MCTP2: variants seen among roughly 807,000 people sequenced by gnomAD.
The protein encoded by MCTP2 is multiple C2 and transmembrane domain containing 2.
MCTP2 carries 132 observed loss-of-function variants against 111.6 expected under a neutral mutation model. The observed-to-expected ratio is 1.18, with a 90% CI of 1.03 to 1.37. The LOEUF is 1.37. Ranked by LOEUF, MCTP2 falls within the 40% of genes most tolerant of loss-of-function variation. The probability of loss-of-function intolerance (pLI) is 0.00; values close to 1 mark genes in which losing one functional copy is unlikely to be tolerated. For synonymous variants in MCTP2, 395 were observed against 387.7 expected (o/e 1.02, Z -0.22); for missense variants, 1,183 against 1,067.9 (o/e 1.11, Z -1.50).
intron 14 of MCTP2, among the ~76,000 whole-genome samples, chr15:94,395,942 A>G (rs556498238): frequency 6.6e-6 from 1 of 152,172 alleles, no homozygotes; most frequent in Admixed American, 6.5e-5. Flanking sequence ...AAATAATATA[A>G]GGGACATGAA....
At chr15:94,324,160 G>A (rs1287860145) in intron 4 of MCTP2, among the ~76,000 whole-genome samples, 2 of 152,200 alleles carry the variant, frequency 1.3e-5, no homozygotes, top group Non-Finnish European at 2.9e-5. Context: ...GAATGTGGCC[G>A]AGGAGGAGGT....
intron 1 of MCTP2, among the ~76,000 whole-genome samples, chr15:94,243,701 ATATACACATATATG>A (rs1567253382): frequency 1.5e-5 from 2 of 135,374 alleles, no homozygotes; most frequent in Non-Finnish European, 3.2e-5. Context: ...ACATATGCGT[ATATACACATATATG>A]TATACACATA....
intron 20 of MCTP2, among the ~76,000 whole-genome samples, chr15:94,459,719 A>G (rs1257540878): frequency 1.3e-5 from 2 of 152,298 alleles, no homozygotes; most frequent in South Asian, 4.1e-4. Context: ...TTCTTTATTC[A>G]TTTCCTCACT....
At chr15:94,289,213 A>C (rs183196874) in intron 1 of MCTP2, among the ~76,000 whole-genome samples, 1 of 152,344 alleles carries the variant, frequency 6.6e-6, no homozygotes, top group Admixed American at 6.5e-5. Context: ...TAAAAACTTA[A>C]AAAAATATTG....
chr15:94,434,031 C>T (rs1375283808), intron 17 of MCTP2, among the ~76,000 whole-genome samples: 9 of 152,014 alleles, frequency 5.9e-5, no homozygotes, highest in Admixed American at 2.0e-4. Flanking sequence ...CTTCATTTTG[C>T]GACTTGCCCT....
intron 17 of MCTP2, among the ~76,000 whole-genome samples, chr15:94,438,656 TAA>T (rs1034568325): frequency 6.6e-6 from 1 of 152,158 alleles, no homozygotes; most frequent in Non-Finnish European, 1.5e-5. Flanking sequence ...TTCTTGATCT[TAA>T]AAATTATACC....
chr15:94,243,724 T>C (rs1036909530), intron 1 of MCTP2, among the ~76,000 whole-genome samples: 2 of 111,264 alleles, frequency 1.8e-5, no homozygotes, highest in African/African-American at 7.7e-5. Flanking sequence ...TGTATACACA[T>C]ACATATGTGT....
chr15:94,387,167 C>T (rs1048838941), intron 14 of MCTP2, among the ~76,000 whole-genome samples: 5 of 151,722 alleles, frequency 3.3e-5, no homozygotes, highest in African/African-American at 4.8e-5. Context: ...CTTCCTCCCT[C>T]TCTCCTTCCT....
chr15:94,343,979 T>C (rs1047854086), intron 7 of MCTP2: 1 of 152,050 alleles, frequency 6.6e-6, no homozygotes, highest in Non-Finnish European at 1.5e-5. Context: ...TCAAAAGGCC[T>C]AAATAGCCCT....
intron 1 of MCTP2, among the ~76,000 whole-genome samples, chr15:94,277,600 T>C (rs2074278025): frequency 6.6e-6 from 1 of 152,170 alleles, no homozygotes; most frequent in Non-Finnish European, 1.5e-5. Context: ...TTCCAGCTCT[T>C]TGACATTCTG....
At chr15:94,413,431 G>A (rs2082240969) in intron 17 of MCTP2, among the ~76,000 whole-genome samples, 2 of 151,808 alleles carry the variant, frequency 1.3e-5, no homozygotes, top group African/African-American at 2.4e-5. Flanking sequence ...ACCATTTTAA[G>A]GCTTCTTTTT....
At chr15:94,310,838 G>A (rs2076093856) in intron 2 of MCTP2, among the ~76,000 whole-genome samples, 1 of 151,588 alleles carries the variant, frequency 6.6e-6, no homozygotes, top group African/African-American at 2.4e-5. Context: ...TACTCAGGAG[G>A]CCGAGGCAGG....
chr15:94,311,016 CTT>C (rs761053094), intron 2 of MCTP2, among the ~76,000 whole-genome samples: 12 of 127,952 alleles, frequency 9.4e-5, no homozygotes, highest in African/African-American at 2.1e-4. Flanking sequence ...GGGAACTTTC[CTT>C]TTTTTTTTTT....
chr15:94,470,335 C>T lies in MCTP2; in HGVS notation c.2363C>T (p.Thr788Ile). ...ATATTTATGTGGTTTGTCTACAGCACATTTAACTGGACGGTCCCCTTCCTT... is the reference window on the plus strand; with the variant it reads ...ATATTTATGTGGTTTGTCTACAGCATATTTAACTGGACGGTCCCCTTCCTT... ...IASFGERIKNTFNWTVPFLSS... is the reference protein window; with the variant it reads ...IASFGERIKNIFNWTVPFLSS... Residue 788 changes from threonine (T) to isoleucine (I), a missense_variant and splice_region_variant, in exon 21 of 23, where the codon ACA becomes ATA. Thr to Ile is a moderately conservative substitution (Grantham distance 89, BLOSUM62 -1). Transcript: ENST00000357742. The T allele has an allele frequency of 3.1e-6, 5 of 1,607,868 alleles. No individual in the cohort carries two copies. The highest frequency in any genetic ancestry group is 3.4e-6 in the Non-Finnish European group (4 of 1,174,386).
At position 94,416,711 on chromosome 15, in the gene MCTP2, C is replaced by T. The variant is rs1485369021; in HGVS notation, c.2085+14692C>T. On this transcript the variant is annotated intron_variant, in intron 17 of 22. Transcript: ENST00000357742. ...TTCAACTTGCAAAGTTGGATCTCTT[C>T]TATTGCACAGAAAATATAGTGCAGA... is the stretch of plus-strand genomic sequence containing the variant. Among the ~76,000 whole-genome samples, 6 of 151,978 alleles carry T rather than the reference C, an allele frequency of 3.9e-5. No homozygotes were observed. In the East Asian group the frequency reaches 5.8e-4, roughly 15 times the overall value.
At position 94,260,153 on chromosome 15, in the gene MCTP2, G is replaced by A. The variant is rs2073095697; in HGVS notation, c.-66+28489G>A. Among the ~76,000 whole-genome samples the A allele has an allele frequency of 1.3e-5, 2 of 152,170 alleles. 1 individual carries two copies. The highest frequency in any genetic ancestry group is 4.1e-4 in the South Asian group (2 of 4,836). The stretch of plus-strand genomic sequence containing the variant: ...TTTCTCTACCCAAGGAACCTTGAGT[G>A]CCTTTCCTGGGGATTCTGGCCACGG... On this transcript the variant is annotated intron_variant, in intron 1 of 22. Coordinates refer to ENST00000357742, the MANE Select transcript of MCTP2 (RefSeq NM_001385001.1).
rs1250849222 is a variant in MCTP2 at position 94,370,140 on chromosome 15, G to A, written c.1542G>A (p.Lys514=). ...AAGACGTCGGCATTCTACAAGTGAA[G>A]GTTTTAAAGGCAGCAGATCTCTTAG... ...DVKDVGILQV[K]VLKAADLLAA... Residue 514 remains lysine, a synonymous_variant, in exon 12 of 23, where the codon AAG becomes AAA. Transcript: ENST00000357742. 15 of 1,613,130 alleles carry A rather than the reference G, an allele frequency of 9.3e-6. 1 individual carries two copies. The Admixed American group carries it at 1.7e-4, about 18-fold the overall frequency.
chr15:94,406,984 T>A (rs971846923), intron 17 of MCTP2, among the ~76,000 whole-genome samples: 1 of 151,854 alleles, frequency 6.6e-6, no homozygotes, highest in Non-Finnish European at 1.5e-5. Flanking sequence ...TAGGCCCATA[T>A]GTCTAGTGGG....
chr15:94,448,249 C>G (rs939509020), intron 19 of MCTP2, among the ~76,000 whole-genome samples: 1 of 152,194 alleles, frequency 6.6e-6, no homozygotes, highest in African/African-American at 2.4e-5. Flanking sequence ...GAACCTTATT[C>G]AGAGCATCCT....
Sources: allele counts gnomAD v4.1 joint callset (sites outside exome capture counted in the v4.1 genomes callset), GRCh38; gene constraint gnomAD v4.1.1; transcripts MANE v1.5; gene names NCBI Gene and HGNC (gene_info 2026-07-23, HGNC 2026-07-21).